Variants in APP observed in about 807,000 individuals in gnomAD.
The protein encoded by APP is amyloid beta precursor protein, also known as amyloid-beta precursor protein.
A neutral mutation model predicts 101.4 loss-of-function variants in APP; 31 were observed. The ratio of observed to expected loss-of-function variants is 0.31; its 90% confidence interval spans 0.23 to 0.41. The LOEUF is 0.41. Among genes scored for constraint, APP ranks in the 10% least tolerant of loss-of-function variants. APP has a pLI of 1.00. For missense variants in APP, 839 were observed against 1,003.7 expected (o/e 0.84, Z 2.22); for synonymous variants, 366 against 364.4 (o/e 1.00, Z -0.05).
intron 13 of APP, among the ~76,000 whole-genome samples, chr21:25,944,312 T>A (rs2040711542): frequency 6.6e-6 from 1 of 152,158 alleles, no homozygotes; most frequent in African/African-American, 2.4e-5. Context: ...TCACAAATAG[T>A]GTTTAGGTGC....
At chr21:26,003,158 T>C (rs1019120197) in intron 6 of APP, among the ~76,000 whole-genome samples, 1 of 152,248 alleles carries the variant, frequency 6.6e-6, no homozygotes, top group Non-Finnish European at 1.5e-5. Context: ...AAACCATTTG[T>C]TATAGCTAAT....
intron 9 of APP, among the ~76,000 whole-genome samples, chr21:25,976,539 C>T (rs1261067687): frequency 6.6e-6 from 1 of 152,192 alleles, no homozygotes; most frequent in Non-Finnish European, 1.5e-5. Flanking sequence ...AAGACTTCTG[C>T]TGTCTAATAT....
chr21:25,971,277 ACCTCGTGATCCGCCCGCCTTGG>A (rs2042022481), intron 11 of APP, among the ~76,000 whole-genome samples: 1 of 151,980 alleles, frequency 6.6e-6, no homozygotes, highest in Middle Eastern at 3.4e-3. Flanking sequence ...TGATCTCTTG[ACCTCGTGATCCGCCCGCCTTGG>A]CCTCCCAAAG....
intron 13 of APP, among the ~76,000 whole-genome samples, chr21:25,943,657 C>T (rs1454545119): frequency 1.3e-5 from 2 of 151,878 alleles, no homozygotes; most frequent in South Asian, 2.1e-4. Flanking sequence ...CCATGTTGGC[C>T]AGGCTGGTCT....
chr21:26,111,677 C>T (rs1197515142), intron 2 of APP, among the ~76,000 whole-genome samples: 1 of 151,796 alleles, frequency 6.6e-6, no homozygotes, highest in African/African-American at 2.4e-5. Flanking sequence ...GTCAAGGCTA[C>T]AGTAAGCCAT....
intron 2 of APP, among the ~76,000 whole-genome samples, chr21:26,107,530 T>G (rs1345052459): frequency 6.6e-6 from 1 of 152,226 alleles, no homozygotes; most frequent in African/African-American, 2.4e-5. Flanking sequence ...TTACATGGCT[T>G]GCCTTCCAGC....
chr21:26,117,974 A>G (rs980213251), intron 1 of APP, among the ~76,000 whole-genome samples: 3 of 152,214 alleles, frequency 2.0e-5, no homozygotes, highest in African/African-American at 7.2e-5. Context: ...GCTTCTAATT[A>G]CAAGCTATCC....
At chr21:25,904,877 T>C (rs570838811) in intron 15 of APP, 147 bp downstream of exon 15, 1 of 727,420 alleles carries the variant, frequency 1.4e-6, no homozygotes, top group East Asian at 2.7e-5. Flanking sequence ...TCAAGGGGAA[T>C]TTTTAAAAGT....
chr21:26,138,823 A>C (rs944491326), intron 1 of APP, among the ~76,000 whole-genome samples: 3 of 152,238 alleles, frequency 2.0e-5, no homozygotes, highest in Non-Finnish European at 4.4e-5. Flanking sequence ...TTGCAAACAC[A>C]ACACAGAAAC....
intron 1 of APP, among the ~76,000 whole-genome samples, chr21:26,124,870 C>G (rs573603641): frequency 6.6e-6 from 1 of 152,224 alleles, no homozygotes; most frequent in Non-Finnish European, 1.5e-5. Context: ...AGGCAGTGAA[C>G]ATATTCAAAG....
chr21:26,130,236 T>A (rs887321325), intron 1 of APP, among the ~76,000 whole-genome samples: 1 of 152,272 alleles, frequency 6.6e-6, no homozygotes, highest in Non-Finnish European at 1.5e-5. Context: ...AAACATGTAC[T>A]GCTTTTTTAA....
chr21:26,065,150 G>A (rs369620853), intron 3 of APP, among the ~76,000 whole-genome samples: 1 of 152,050 alleles, frequency 6.6e-6, no homozygotes, highest in East Asian at 1.9e-4. Context: ...CACCCCGCCC[G>A]GCCCACTCCC....
chr21:26,033,932 C>T (rs2044966227), intron 5 of APP, among the ~76,000 whole-genome samples: 1 of 152,136 alleles, frequency 6.6e-6, no homozygotes, highest in Admixed American at 6.5e-5. Context: ...ATGGGTTCAG[C>T]TTTGATCATG....
intron 1 of APP, among the ~76,000 whole-genome samples, chr21:26,119,982 T>C (rs1192292758): frequency 6.6e-6 from 1 of 152,222 alleles, no homozygotes; most frequent in African/African-American, 2.4e-5. Flanking sequence ...CAAAATCTAT[T>C]ATTCCTCTTC....
At chr21:26,102,797 C>T (rs962839563) in intron 2 of APP, among the ~76,000 whole-genome samples, 6 of 143,488 alleles carry the variant, frequency 4.2e-5, no homozygotes, top group Admixed American at 7.5e-5. Context: ...GGCTGAGGCA[C>T]GAGAATCACT....
At chr21:25,884,758 A>G (rs903093805) in intron 17 of APP, among the ~76,000 whole-genome samples, 1 of 152,206 alleles carries the variant, frequency 6.6e-6, no homozygotes, top group Non-Finnish European at 1.5e-5. Context: ...TTGTAGAAAA[A>G]AGCCACAATG....
intron 14 of APP, among the ~76,000 whole-genome samples, chr21:25,909,472 A>C (rs1213374980): frequency 6.6e-6 from 1 of 152,144 alleles, no homozygotes; most frequent in African/African-American, 2.4e-5. Context: ...AGCTCTTTTC[A>C]TGAGACCTAG....
chr21:25,918,012 C>A (rs565611199), intron 13 of APP, among the ~76,000 whole-genome samples: 13 of 151,794 alleles, frequency 8.6e-5, no homozygotes, highest in African/African-American at 3.1e-4. Context: ...GGATGGTGAT[C>A]ATTAAAAAGT....
chr21:25,902,924 C>G (rs1471464652), intron 15 of APP, among the ~76,000 whole-genome samples: 1 of 152,286 alleles, frequency 6.6e-6, no homozygotes. Context: ...ACATCATATT[C>G]TTACTGTTAT....
Sources: gnomAD v4.1 joint callset for allele counts (sites outside exome capture counted in the v4.1 genomes callset) on GRCh38, gnomAD v4.1.1 for gene constraint, MANE v1.5 for transcripts, NCBI Gene and HGNC (gene_info 2026-07-23, HGNC 2026-07-21) for gene names.